The following SSBP4 variants were observed in gnomAD, a reference collection of about 807,000 sequenced individuals.
The protein encoded by SSBP4 is single-stranded DNA-binding protein 4.
Under a neutral mutation model 64.6 loss-of-function variants are expected in SSBP4, and 33 were observed. The observed-to-expected ratio is 0.51, with a 90% CI of 0.39 to 0.68. The LOEUF (loss-of-function observed/expected upper bound fraction) is 0.68. Ranked by LOEUF, SSBP4 falls within the 30% of genes least tolerant of loss-of-function variation. SSBP4 has a pLI of 0.00. For synonymous variants in SSBP4, 243 were observed against 224.0 expected, an observed-to-expected ratio of 1.08 and a Z score of -0.76; for missense variants, 583 against 566.8, an observed-to-expected ratio of 1.03 and a Z score of -0.29.
chr19:18,430,851 C>T lies in SSBP4; in HGVS notation c.290C>T (p.Ala97Val). ...AKAFQDYSAA[A>V]APSPVMGSMA... The stretch of plus-strand genomic sequence containing the variant: ...CCCGCACCCTTACAGAGTGCTGCAG[C>T]CGCCCCCAGCCCCGTTATGGGGAGT... The change falls in exon 5 of 18, where the codon GCC becomes GTC. Residue 97 changes from alanine to valine, a missense_variant. Physicochemically the swap from Ala to Val is moderately conservative, Grantham distance 64. Around this residue, in one of 5 missense-constraint regions of SSBP4, gnomAD observed 444 missense variants for 386.6 expected, o/e 1.15. Transcript: ENST00000270061. 1 of 1,612,770 alleles carries T rather than the reference C, an allele frequency of 6.2e-7. No individual in the cohort carries two copies. Among genetic ancestry groups the T allele is most frequent in the Non-Finnish European group, 8.5e-7 (1 of 1,179,532 alleles).
At chr19:18,406,412 C>A in the SSBP4 span, among the ~76,000 whole-genome samples, 1 of 151,962 alleles carries the variant, frequency 6.6e-6, no homozygotes, top group African/African-American at 2.4e-5. Flanking sequence ...AACTCCTGGC[C>A]TCAAATGATC....
chr19:18,414,247 TG>T, upstream of SSBP4, among the ~76,000 whole-genome samples: 1 of 152,306 alleles, frequency 6.6e-6, no homozygotes, highest in South Asian at 2.1e-4. Flanking sequence ...GGAAGCACTC[TG>T]ATGGGTGGGG....
the SSBP4 span, among the ~76,000 whole-genome samples, chr19:18,409,764 C>T: frequency 6.6e-6 from 1 of 152,120 alleles, no homozygotes; most frequent in East Asian, 1.9e-4. Flanking sequence ...ACGTGATCCT[C>T]CCTCCTCGGC....
chr19:18,410,766 C>T, the SSBP4 span, among the ~76,000 whole-genome samples: 4 of 151,926 alleles, frequency 2.6e-5, no homozygotes, highest in Non-Finnish European at 5.9e-5. Context: ...GGAGTTGCTA[C>T]ATTGAGTCTC....
the SSBP4 span, among the ~76,000 whole-genome samples, chr19:18,403,509 G>A: frequency 6.6e-6 from 1 of 152,058 alleles, no homozygotes; most frequent in South Asian, 2.1e-4. Flanking sequence ...GGGTTCTGGG[G>A]TATGGGGATC....
chr19:18,427,835 G>T lies in SSBP4; in HGVS notation c.194+22G>T, dbSNP rs761063302. The T allele has an allele frequency of 1.9e-6, 3 of 1,613,204 alleles. No homozygotes were observed. The highest frequency in any genetic ancestry group is 3.3e-5 in the Admixed American group (2 of 59,992). On this transcript the variant is annotated intron_variant, in intron 3 of 17. Coordinates refer to ENST00000270061, the MANE Select transcript of SSBP4 (RefSeq NM_032627.5). The surrounding 1 kb of genome is among the most constrained non-coding windows in gnomAD (Gnocchi z 4.4). ...GGTGGTACGGGCTGGGCTGCTGTGG[G>T]TGGGCTGTGGAAGGGGGTTGAGGGA...
the SSBP4 span, among the ~76,000 whole-genome samples, chr19:18,413,797 G>A: frequency 2.0e-5 from 3 of 152,074 alleles, no homozygotes; most frequent in Non-Finnish European, 2.9e-5. Flanking sequence ...CGGGCAGATC[G>A]CCTGAAGTCG....
At chr19:18,409,643 T>C in the SSBP4 span, among the ~76,000 whole-genome samples, 1 of 152,222 alleles carries the variant, frequency 6.6e-6, no homozygotes, top group Non-Finnish European at 1.5e-5. Flanking sequence ...TCACCCAGGC[T>C]GGGGTGCAGT....
At chr19:18,432,427 C>A in intron 10 of SSBP4, 132 bp from the exon 11 acceptor site, 1 of 1,399,724 alleles carries the variant, frequency 7.1e-7, no homozygotes, top group South Asian at 1.4e-5. Context: ...TCATGGTGGC[C>A]ACTTTTCCAG....
At position 18,426,742 on chromosome 19, in the gene SSBP4, C is replaced by T. The variant is rs1476249420; in HGVS notation, c.60-609C>T. On this transcript the variant is annotated intron_variant, in intron 1 of 17. Coordinates refer to ENST00000270061, the MANE Select transcript of SSBP4 (RefSeq NM_032627.5). The surrounding 1 kb of genome is among the most constrained non-coding windows in gnomAD (Gnocchi z 4.5). ...TTGGGTAGGGCAGCACCACTGCAGA[C>T]ATGGCACTGCAGGCCCTACCTCCCC... Among the ~76,000 whole-genome samples, 2 of 152,270 alleles carry T rather than the reference C, an allele frequency of 1.3e-5. No individual in the cohort carries two copies. Among genetic ancestry groups the T allele is most frequent in the Admixed American group, 6.5e-5 (1 of 15,296 alleles).
the SSBP4 span, among the ~76,000 whole-genome samples, chr19:18,402,862 G>C: frequency 6.6e-6 from 1 of 152,164 alleles, no homozygotes; most frequent in South Asian, 2.1e-4. Context: ...GGAAAGATCT[G>C]ATCGTCCCCC....
chr19:18,418,223 A>C (rs1217499693), upstream of SSBP4, among the ~76,000 whole-genome samples: 3 of 152,146 alleles, frequency 2.0e-5, no homozygotes, highest in African/African-American at 7.2e-5. The surrounding 1 kb of genome is among the most constrained non-coding windows in gnomAD (Gnocchi z 6.7). Flanking sequence ...CTCACACGGG[A>C]GCCGCGTGTT....
Position 18,427,468 on chromosome 19 carries a change from C to T in SSBP4, c.132+45C>T, listed in dbSNP as rs941023549. On this transcript the variant is annotated intron_variant, in intron 2 of 17. Transcript: ENST00000270061. This position sits in a 1 kb window ranked among gnomAD's most constrained non-coding sequence, Gnocchi z 4.4. The stretch of plus-strand genomic sequence containing the variant: ...CTGGCCCTCCCTCCTCACCCACACT[C>T]CGGGGGTCCTTCATTTCCACTGGGG... The T allele has an allele frequency of 2.5e-6, 4 of 1,589,064 alleles. No individual in the cohort carries two copies. The highest frequency in any genetic ancestry group is 1.1e-5 in the South Asian group (1 of 90,068).
the SSBP4 span, among the ~76,000 whole-genome samples, chr19:18,412,289 C>T: frequency 2.6e-5 from 4 of 151,552 alleles, no homozygotes; most frequent in Admixed American, 6.6e-5. Flanking sequence ...GGTGAAACGC[C>T]GTCTCTACTA....
chr19:18,418,219 C>T (rs1021739949), upstream of SSBP4, among the ~76,000 whole-genome samples: 1 of 152,178 alleles, frequency 6.6e-6, no homozygotes, highest in African/African-American at 2.4e-5. This position sits in a 1 kb window ranked among gnomAD's most constrained non-coding sequence, Gnocchi z 6.7. Flanking sequence ...TGCACTCACA[C>T]GGGAGCCGCG....
chr19:18,427,688 C>A lies in SSBP4; in HGVS notation c.133-64C>A. 1 of 1,519,776 alleles carries A rather than the reference C, an allele frequency of 6.6e-7. No homozygotes were observed. The highest frequency in any genetic ancestry group is 2.3e-5 in the East Asian group (1 of 43,916). 94.1% of individuals were successfully genotyped at this position (1,519,776 alleles called of 1,614,324 possible). A position where few individuals can be genotyped will look rare whatever the true frequency, so the allele number is the denominator to read the frequency against. On this transcript the variant is annotated intron_variant, in intron 2 of 17. Transcript: ENST00000270061. This position sits in a 1 kb window ranked among gnomAD's most constrained non-coding sequence, Gnocchi z 4.4. ...TCCCTGCCCAGATGTTCTCTGGGCACCCTGCTGGGTGGTGGGGCAGGGTCA... is the reference window on the plus strand; with the variant it reads ...TCCCTGCCCAGATGTTCTCTGGGCAACCTGCTGGGTGGTGGGGCAGGGTCA...
chr19:18,434,061 T>TC (rs936182893), intron 17 of SSBP4, 156 bp from the exon 18 acceptor site: 2 of 1,174,892 alleles, frequency 1.7e-6, no homozygotes, highest in African/African-American at 3.3e-5. Context: ...AGGGCGGCCT[T>TC]CCCATGCATC....
the SSBP4 span, among the ~76,000 whole-genome samples, chr19:18,406,198 G>A: frequency 6.6e-6 from 1 of 151,192 alleles, no homozygotes; most frequent in African/African-American, 2.4e-5. Flanking sequence ...TGTCGCCCAG[G>A]CTGGAGTGCA....
Position 18,426,707 on chromosome 19 carries a change from C to G in SSBP4, c.60-644C>G, listed in dbSNP as rs1220441475. Among the ~76,000 whole-genome samples, 1 of 152,146 alleles carries G rather than the reference C, an allele frequency of 6.6e-6. No individual in the cohort carries two copies. The highest frequency in any genetic ancestry group is 2.4e-5 in the African/African-American group (1 of 41,424). On this transcript the variant is annotated intron_variant, in intron 1 of 17. Coordinates refer to ENST00000270061, the MANE Select transcript of SSBP4 (RefSeq NM_032627.5). This position sits in a 1 kb window ranked among gnomAD's most constrained non-coding sequence, Gnocchi z 4.5. ...GCAGGCTGGGGACTCGCGCAGAGCCCTGTGGGTGTTTGGGTAGGGCAGCAC... is the reference window on the plus strand; with the variant it reads ...GCAGGCTGGGGACTCGCGCAGAGCCGTGTGGGTGTTTGGGTAGGGCAGCAC...
Sources: allele counts gnomAD v4.1 joint callset (sites outside exome capture counted in the v4.1 genomes callset), GRCh38; gene constraint gnomAD v4.1.1; regional missense constraint gnomAD v4.1.1; non-coding constraint Gnocchi (gnomAD v3.1); transcripts MANE v1.5; gene names NCBI Gene and HGNC (gene_info 2026-07-23, HGNC 2026-07-21).